The following KHDC1 variants were observed in gnomAD, a reference collection of about 807,000 sequenced individuals.
KHDC1 encodes KH homology domain-containing protein 1.
Under a neutral mutation model 24.7 loss-of-function variants are expected in KHDC1, and 21 were observed. That is an observed-to-expected ratio of 0.85 (90% CI 0.60 to 1.23). The LOEUF (loss-of-function observed/expected upper bound fraction) is 1.23, where lower values mean the gene tolerates loss of function less well. KHDC1 is among the 50% of genes most tolerant of loss of function. The pLI is 0.00. For missense variants in KHDC1, 274 were observed against 298.5 expected (o/e 0.92, Z 0.61); for synonymous variants, 98 against 111.7 (o/e 0.88, Z 0.77).
intron 1 of KHDC1, among the ~76,000 whole-genome samples, chr6:73,294,338 A>G (rs1448015084): frequency 1.3e-5 from 2 of 152,128 alleles, no homozygotes; most frequent in African/African-American, 4.8e-5. Flanking sequence ...CTAGAACAGC[A>G]TCTGCTTTAG....
intron 1 of KHDC1, among the ~76,000 whole-genome samples, chr6:73,298,638 G>C (rs1767807539): frequency 6.6e-6 from 1 of 151,708 alleles, no homozygotes; most frequent in South Asian, 2.1e-4. Context: ...GTTTCACCAT[G>C]TCCGTCAGGG....
intron 2 of KHDC1, among the ~76,000 whole-genome samples, chr6:73,265,701 T>C (rs188807965): frequency 6.6e-6 from 1 of 152,294 alleles, no homozygotes; most frequent in East Asian, 1.9e-4. Flanking sequence ...CTGACAGTTG[T>C]GGCATCAACA....
intron 2 of KHDC1, chr6:73,274,203 A>G (rs1279431991): frequency 6.6e-6 from 1 of 152,252 alleles, no homozygotes; most frequent in Non-Finnish European, 1.5e-5. Flanking sequence ...TTTTAATGAA[A>G]AATAACTATT....
At chr6:73,249,561 A>G (rs1766740860) in intron 2 of KHDC1, among the ~76,000 whole-genome samples, 1 of 152,172 alleles carries the variant, frequency 6.6e-6, no homozygotes, top group African/African-American at 2.4e-5. Context: ...AGTGTAACAC[A>G]TGGAGTAAGT....
intron 1 of KHDC1, chr6:73,292,919 GCTTGT>G: frequency 3.7e-6 from 3 of 819,324 alleles, no homozygotes; most frequent in Non-Finnish European, 6.2e-6. Context: ...CTTCTTGGTG[GCTTGT>G]CTTAAGGATT....
intron 2 of KHDC1, among the ~76,000 whole-genome samples, chr6:73,270,869 T>C (rs1767165639): frequency 6.6e-6 from 1 of 152,046 alleles, no homozygotes; most frequent in African/African-American, 2.4e-5. Context: ...TTTTTGTATT[T>C]TTAGTAGAGA....
At chr6:73,291,033 G>A (rs925488041) in intron 2 of KHDC1, 1 of 395,426 alleles carries the variant, frequency 2.5e-6, no homozygotes, top group Admixed American at 2.9e-5. Flanking sequence ...TGAAAAGGAA[G>A]AGTAGGCTGC....
intron 2 of KHDC1, among the ~76,000 whole-genome samples, chr6:73,256,370 T>TA (rs781313643): frequency 6.6e-6 from 1 of 152,160 alleles, no homozygotes; most frequent in Non-Finnish European, 1.5e-5. Context: ...ATTCTCCCAT[T>TA]AAAAAATGGC....
At chr6:73,248,565 T>C (rs991638383) in intron 2 of KHDC1, among the ~76,000 whole-genome samples, 1 of 152,134 alleles carries the variant, frequency 6.6e-6, no homozygotes, top group Non-Finnish European at 1.5e-5. Context: ...AGATAGAATA[T>C]ACAATCTGAG....
intron 2 of KHDC1, among the ~76,000 whole-genome samples, chr6:73,282,083 T>C (rs1004230184): frequency 5.3e-5 from 8 of 151,480 alleles, no homozygotes; most frequent in African/African-American, 1.9e-4. Flanking sequence ...CCGGGCGTGG[T>C]GGCATGCGCC....
chr6:73,303,922 T>C (rs1767918057), intron 1 of KHDC1, among the ~76,000 whole-genome samples: 1 of 152,186 alleles, frequency 6.6e-6, no homozygotes, highest in Admixed American at 6.5e-5. Flanking sequence ...CTCACACCTG[T>C]AATCCTAAAA....
intron 2 of KHDC1, among the ~76,000 whole-genome samples, chr6:73,254,077 T>C (rs1189450439): frequency 1.3e-5 from 2 of 152,076 alleles, no homozygotes; most frequent in Non-Finnish European, 2.9e-5. Context: ...ACTCAAACCA[T>C]ACCACAGGAA....
chr6:73,300,792 T>C (rs1767860349), intron 1 of KHDC1: 1 of 152,218 alleles, frequency 6.6e-6, no homozygotes, highest in African/African-American at 2.4e-5. Flanking sequence ...TTTAGGCCAA[T>C]GGAAAATCCA....
At chr6:73,296,110 C>T (rs998082011) in intron 1 of KHDC1, among the ~76,000 whole-genome samples, 32 of 141,686 alleles carry the variant, frequency 2.3e-4, no homozygotes, top group African/African-American at 7.9e-4. Flanking sequence ...CCACTGCACT[C>T]CAGCCTGGGT....
intron 1 of KHDC1, among the ~76,000 whole-genome samples, chr6:73,303,741 TAGACTAAG>T (rs1239982800): frequency 6.6e-6 from 1 of 152,092 alleles, no homozygotes; most frequent in Non-Finnish European, 1.5e-5. Flanking sequence ...AAAGACAGGA[TAGACTAAG>T]AAACTGTGAA....
intron 2 of KHDC1, among the ~76,000 whole-genome samples, chr6:73,281,865 C>CT (rs991220781): frequency 2.0e-4 from 31 of 152,046 alleles, no homozygotes; most frequent in African/African-American, 7.5e-4. Flanking sequence ...GATTCTCAGA[C>CT]TTTTTTTGTT....
rs9442901 is a variant in KHDC1 at position 73,291,254 on chromosome 6, A to G, written c.206+744T>C. ...GACCACTGAATGGGTAAGAATAACC[A>G]CTGAGTGGCCTTAAGCTGTTCTTCC... On this transcript the variant is annotated intron_variant, in intron 2 of 4. Transcript: ENST00000370384. The G allele has an allele frequency of 2.9e-3, 1,090 of 376,574 alleles. 17 individuals are homozygous for G. The highest frequency in any genetic ancestry group is 0.02 in the African/African-American group (981 of 47,952). The allele number at this position is 376,574 out of a possible 1,614,324, so 23.3% of individuals were successfully genotyped here.
intron 2 of KHDC1, among the ~76,000 whole-genome samples, chr6:73,248,881 A>G (rs1358533203): frequency 6.6e-6 from 1 of 152,080 alleles, no homozygotes; most frequent in Non-Finnish European, 1.5e-5. Context: ...TTTGAAGAAA[A>G]AAAATTACAA....
intron 2 of KHDC1, among the ~76,000 whole-genome samples, chr6:73,270,881 G>A (rs552991110): frequency 2.8e-4 from 43 of 151,828 alleles, no homozygotes; most frequent in South Asian, 2.1e-3. Flanking sequence ...TAGTAGAGAC[G>A]GGGTTTTACC....
Sources: allele counts gnomAD v4.1 joint callset (sites outside exome capture counted in the v4.1 genomes callset), GRCh38; gene constraint gnomAD v4.1.1; transcripts MANE v1.5; gene names NCBI Gene and HGNC (gene_info 2026-07-23, HGNC 2026-07-21).